NRXN3: variants seen among roughly 807,000 people sequenced by gnomAD.
NRXN3 encodes neurexin 3.
A neutral mutation model predicts 137.6 loss-of-function variants in NRXN3; 32 were observed. The ratio of observed to expected loss-of-function variants is 0.23; its 90% CI spans 0.18 to 0.31. The LOEUF is 0.31. Among genes scored for constraint, NRXN3 ranks in the 10% least tolerant of loss-of-function variants. The pLI is 1.00. For synonymous variants in NRXN3, 798 were observed against 784.5 expected, an observed-to-expected ratio of 1.02 and a Z score of -0.29; for missense variants, 1,574 against 2,062.5, an observed-to-expected ratio of 0.76 and a Z score of 4.59.
chr14:78,274,767 T>C (rs2073334906), intron 2 of NRXN3, among the ~76,000 whole-genome samples: 1 of 152,194 alleles, frequency 6.6e-6, no homozygotes, highest in Non-Finnish European at 1.5e-5. Flanking sequence ...AAGACGGAAG[T>C]GGGTTTCCAA....
intron 15 of NRXN3, among the ~76,000 whole-genome samples, chr14:79,329,314 T>C (rs1367849481): frequency 6.6e-6 from 1 of 152,246 alleles, no homozygotes; most frequent in Non-Finnish European, 1.5e-5. Context: ...ATCTCTCTTT[T>C]GCTACTGCAC....
chr14:79,861,767 G>A lies in NRXN3; in HGVS notation c.4519G>A (p.Ala1507Thr), dbSNP rs1316176211. ...GGTCGTCGGCATTGTGGCTGCTGCC[G>A]CCCTCTGCATCTTGATCCTCCTGTA... ...GMVVGIVAAAALCILILLYAM... is the reference protein window; with the variant it reads ...GMVVGIVAAATLCILILLYAM... The change falls in exon 21 of 21, where the codon GCC (alanine) becomes ACC (threonine). Residue 1507 changes from alanine (A) to threonine (T), a missense_variant. Physicochemically the swap from Ala to Thr is moderately conservative, Grantham distance 58. Around this residue, in one of 5 missense-constraint regions of NRXN3, gnomAD observed 320 missense variants for 387.1 expected, o/e 0.83. Coordinates refer to ENST00000335750, the MANE Select transcript of NRXN3 (RefSeq NM_001330195.2). The surrounding 1 kb of genome is among the most constrained non-coding windows in gnomAD (Gnocchi z 5.4). The A allele has an allele frequency of 3.1e-6, 5 of 1,614,002 alleles. No individual in the cohort carries two copies. The highest frequency in any genetic ancestry group is 1.1e-5 in the South Asian group (1 of 91,076).
chr14:78,245,163 C>T (rs1189973730), intron 2 of NRXN3, among the ~76,000 whole-genome samples: 5 of 152,098 alleles, frequency 3.3e-5, no homozygotes, highest in African/African-American at 4.8e-5. Flanking sequence ...TTCTCTTAGA[C>T]GGGTTTTATG....
At chr14:78,488,128 G>A (rs2095598298) in intron 4 of NRXN3, among the ~76,000 whole-genome samples, 1 of 152,128 alleles carries the variant, frequency 6.6e-6, no homozygotes, top group East Asian at 1.9e-4. Flanking sequence ...TCCCCCATGT[G>A]TACATCCCTG....
chr14:79,228,343 T>C (rs1225009712), intron 15 of NRXN3, among the ~76,000 whole-genome samples: 1 of 87,752 alleles, frequency 1.1e-5, no homozygotes, highest in African/African-American at 4.5e-5. Context: ...TAATAATTGG[T>C]TATTTCAAAA....
intron 16 of NRXN3, among the ~76,000 whole-genome samples, chr14:79,659,627 G>C (rs1038867993): frequency 2.6e-5 from 4 of 152,064 alleles, no homozygotes; most frequent in African/African-American, 9.7e-5. Context: ...CATTTTGTGG[G>C]TCCAAAATTA....
Position 78,421,421 on chromosome 14 carries a change from A to G in NRXN3, c.757+123561A>G, listed in dbSNP as rs1321790771. Among the ~76,000 whole-genome samples the G allele has an allele frequency of 3.3e-5, 5 of 152,322 alleles. No homozygotes were observed. The East Asian group carries it at 9.6e-4, about 29-fold the overall frequency. Reference sequence around the variant, plus strand: ...ACAAGGAGGATATAAATAAATTATGATGCCTTATAGATATAATATTAGGAA... The same window carrying G: ...ACAAGGAGGATATAAATAAATTATGGTGCCTTATAGATATAATATTAGGAA... On this transcript the variant is annotated intron_variant, in intron 4 of 20. Coordinates refer to ENST00000335750, the MANE Select transcript of NRXN3 (RefSeq NM_001330195.2).
chr14:79,816,759 A>G (rs560606028), intron 20 of NRXN3, among the ~76,000 whole-genome samples: 1 of 152,334 alleles, frequency 6.6e-6, no homozygotes, highest in East Asian at 1.9e-4. Context: ...AACCAACTGC[A>G]CAGTGAAATA....
chr14:78,597,835 G>T (rs2097170455), intron 4 of NRXN3, among the ~76,000 whole-genome samples: 1 of 152,194 alleles, frequency 6.6e-6, no homozygotes, highest in Non-Finnish European at 1.5e-5. Context: ...GGATGCAAGG[G>T]TATCTGTGGT....
intron 10 of NRXN3, among the ~76,000 whole-genome samples, chr14:78,930,444 A>G (rs561421112): frequency 1.3e-5 from 2 of 152,362 alleles, no homozygotes; most frequent in Admixed American, 1.3e-4. Flanking sequence ...GATTCTAACA[A>G]GCACTTGTTA....
At chr14:78,982,854 T>C (rs1333046970) in intron 14 of NRXN3, among the ~76,000 whole-genome samples, 1 of 152,116 alleles carries the variant, frequency 6.6e-6, no homozygotes, top group East Asian at 1.9e-4. Context: ...AAGTAACCCA[T>C]AGATTGGGAG....
chr14:79,573,663 T>C (rs982978006), intron 16 of NRXN3, among the ~76,000 whole-genome samples: 10 of 152,074 alleles, frequency 6.6e-5, no homozygotes, highest in Non-Finnish European at 1.0e-4. Context: ...AAGAGGAACA[T>C]AAGGAAACTC....
At chr14:78,352,165 C>T (rs1459589006) in intron 4 of NRXN3, among the ~76,000 whole-genome samples, 1 of 151,292 alleles carries the variant, frequency 6.6e-6, no homozygotes, top group Non-Finnish European at 1.5e-5. Context: ...TTCTTCTGAC[C>T]ATTAGGTCTC....
chr14:79,817,539 C>T (rs2099255491), intron 20 of NRXN3, among the ~76,000 whole-genome samples: 1 of 152,082 alleles, frequency 6.6e-6, no homozygotes, highest in Non-Finnish European at 1.5e-5. Context: ...CTTTAATCCT[C>T]ACAGCAATCA....
At chr14:79,204,869 A>G (rs778238214) in intron 15 of NRXN3, among the ~76,000 whole-genome samples, 5 of 152,172 alleles carry the variant, frequency 3.3e-5, no homozygotes, top group Non-Finnish European at 7.3e-5. Context: ...AAAGTATGAC[A>G]CAGCTGAGAC....
intron 16 of NRXN3, among the ~76,000 whole-genome samples, chr14:79,593,427 G>A (rs1197740689): frequency 6.6e-6 from 1 of 151,956 alleles, no homozygotes; most frequent in African/African-American, 2.4e-5. Flanking sequence ...TCAGGAGATC[G>A]AGACCATCCT....
rs114152128 is a variant in NRXN3 at position 78,672,648 on chromosome 14, G to A, written c.1221+21322G>A. Among the ~76,000 whole-genome samples, 5 of 152,136 alleles carry A rather than the reference G, an allele frequency of 3.3e-5. No homozygotes were observed. The East Asian group carries it at 5.8e-4, about 18-fold the overall frequency. ...TGCACTATTAATGGGAATTGGTCAC[G>A]CCCACAGGACTCTTCCCTCTAGCAT... On this transcript the variant is annotated intron_variant, in intron 6 of 20. Coordinates refer to ENST00000335750, the MANE Select transcript of NRXN3 (RefSeq NM_001330195.2).
At chr14:78,563,627 C>CTACTGAGA (rs1228867131) in intron 4 of NRXN3, among the ~76,000 whole-genome samples, 4 of 152,196 alleles carry the variant, frequency 2.6e-5, no homozygotes, top group African/African-American at 9.7e-5. Context: ...TTAATGAGAC[C>CTACTGAGA]TACTGAGATG....
At chr14:79,173,226 TA>T (rs1396982339) in intron 15 of NRXN3, among the ~76,000 whole-genome samples, 1 of 152,030 alleles carries the variant, frequency 6.6e-6, no homozygotes, top group Non-Finnish European at 1.5e-5. Flanking sequence ...GGTCAACATA[TA>T]AAAAGTTTAA....
Sources: allele counts gnomAD v4.1 joint callset (sites outside exome capture counted in the v4.1 genomes callset), GRCh38; gene constraint gnomAD v4.1.1; regional missense constraint gnomAD v4.1.1; non-coding constraint Gnocchi (gnomAD v3.1); transcripts MANE v1.5; gene names NCBI Gene and HGNC (gene_info 2026-07-23, HGNC 2026-07-21).